TRIM28: variants seen among roughly 807,000 people sequenced by gnomAD.
TRIM28 encodes the protein tripartite motif containing 28.
A neutral mutation model predicts 87.4 loss-of-function variants in TRIM28; 8 were observed. The ratio of observed to expected loss-of-function variants is 0.09; its 90% CI spans 0.05 to 0.17. The LOEUF (loss-of-function observed/expected upper bound fraction) is 0.17. Among genes scored for constraint, TRIM28 ranks in the 10% least tolerant of loss-of-function variants. The pLI is 1.00. For synonymous variants in TRIM28, 601 were observed against 454.3 expected (o/e 1.32, Z -4.11); for missense variants, 968 against 1,131.8 (o/e 0.86, Z 2.08).
Position 58,550,238 on chromosome 19 carries a change from C to T in TRIM28, c.2285C>T (p.Ala762Val). The T allele has an allele frequency of 6.2e-7, 1 of 1,614,096 alleles. No individual in the cohort carries two copies. The highest frequency in any genetic ancestry group is 8.5e-7 in the Non-Finnish European group (1 of 1,179,996). ...CCCTACAGCTCCCCACAGGAGTTTG[C>T]CCAGGATGTGGGCCGCATGTTCAAG... ...SPPYSSPQEF[A>V]QDVGRMFKQF... Residue 762 changes from alanine to valine, a missense_variant, in exon 16 of 17, where the codon GCC becomes GTC. By Grantham distance (64) the Ala-to-Val change is moderately conservative (BLOSUM62 0). This residue lies in a region of TRIM28 where 192 missense variants were observed against 225.6 expected (regional missense o/e 0.85). Transcript: ENST00000253024.
intron 1 of TRIM28, 26 bp downstream of exon 1, chr19:58,545,123 C>G: frequency 1.4e-6 from 2 of 1,395,134 alleles, no homozygotes; most frequent in Non-Finnish European, 1.9e-6. Context: ...TCGGTGCCAC[C>G]CCTCCCCCTA....
chr19:58,550,314 C>T (rs985033836), intron 16 of TRIM28, 30 bp downstream of exon 16: 2 of 1,613,670 alleles, frequency 1.2e-6, no homozygotes, highest in Admixed American at 1.7e-5. Context: ...AGGCTGTGGG[C>T]AGGGGGAGAT....
Position 58,544,962 on chromosome 19 carries a change from A to C in TRIM28, c.205A>C (p.Arg69=). Residue 69 remains arginine (R), a synonymous_variant, in exon 1 of 17, where the codon AGA becomes CGA. Coordinates refer to ENST00000253024, the MANE Select transcript of TRIM28 (RefSeq NM_005762.3). ...GCTGCTGGAGCACTGCGGCGTGTGC[A>C]GAGAGCGCCTGCGACCCGAGAGGGA... ...LELLEHCGVC[R]ERLRPEREPR... is the part of the protein sequence containing the mutation. 1 of 1,510,748 alleles carries C rather than the reference A, an allele frequency of 6.6e-7. No individual in the cohort carries two copies. The highest frequency in any genetic ancestry group is 8.8e-7 in the Non-Finnish European group (1 of 1,139,280). The allele number at this position is 1,510,748 out of a possible 1,614,324, so 93.6% of individuals were successfully genotyped here. A position where few individuals can be genotyped will look rare whatever the true frequency, so the allele number is the denominator to read the frequency against.
At position 58,550,601 on chromosome 19, in the gene TRIM28, G is replaced by A. The variant is rs2053809249; in HGVS notation, c.*48G>A. On this transcript the variant is annotated 3_prime_UTR_variant, in exon 17 of 17. Transcript: ENST00000253024. ...CCAGCCTGGCTCTGTTCTCTGTCCT[G>A]TCACCCCATCCCCACTCCCCTGGTG... 1 of 1,565,250 alleles carries A rather than the reference G, an allele frequency of 6.4e-7. No individual in the cohort carries two copies. The highest frequency in any genetic ancestry group is 1.7e-5 in the Admixed American group (1 of 57,350).
intron 9 of TRIM28, 25 bp downstream of exon 9, chr19:58,548,617 A>AGGG (rs1478579485): frequency 7.6e-7 from 1 of 1,317,462 alleles, no homozygotes; most frequent in Non-Finnish European, 1.0e-6. Context: ...GGACCCAGGA[A>AGGG]GGGGTGGGCA....
At chr19:58,547,953 TTGA>T in intron 6 of TRIM28, 47 bp downstream of exon 6, 3 of 1,613,576 alleles carry the variant, frequency 1.9e-6, no homozygotes, top group East Asian at 2.2e-5. Context: ...CCTCTGCTGA[TTGA>T]TGATGCTGTC....
Position 58,547,680 on chromosome 19 carries a change from C to T in TRIM28, c.806C>T (p.Thr269Ile). The T allele has an allele frequency of 6.2e-7, 1 of 1,614,182 alleles. No homozygotes were observed. Among genetic ancestry groups the T allele is most frequent in the Non-Finnish European group, 8.5e-7 (1 of 1,180,038 alleles). Residue 269 changes from threonine to isoleucine, a missense_variant, in exon 5 of 17, where the codon ACA becomes ATA. Physicochemically the swap from Thr to Ile is moderately conservative, Grantham distance 89. Around this residue, in one of 11 missense-constraint regions of TRIM28, gnomAD observed 103 missense variants for 139.0 expected, o/e 0.74. Transcript: ENST00000253024. ...AAGCGCCTTGGGGACAAACATGCAA[C>T]ATTGCAGAAGAGCACCAAGGAGGTT... ...LVKRLGDKHA[T>I]LQKSTKEVRS... is the part of the protein sequence containing the mutation.
At position 58,544,887 on chromosome 19, in the gene TRIM28, G is replaced by C. The variant is rs1048088873; in HGVS notation, c.130G>C (p.Ala44Pro). 576 of 1,370,048 alleles carry C rather than the reference G, an allele frequency of 4.2e-4. No individual in the cohort carries two copies. The highest frequency in any genetic ancestry group is 5.1e-4 in the Non-Finnish European group (546 of 1,069,630). 84.9% of individuals were successfully genotyped at this position (1,370,048 alleles called of 1,614,324 possible). A position where few individuals can be genotyped will look rare whatever the true frequency, so the allele number is the denominator to read the frequency against. ...CCCTTCGGCCGCAGCCTCGGCCTCT[G>C]CCTCAGCCGCGGCGTCGTCGCCCGC... ...TAPSAAASAS[A>P]SAAASSPAGG... Residue 44 changes from alanine to proline, a missense_variant, in exon 1 of 17, where the codon GCC (alanine) becomes CCC (proline). Physicochemically the swap from Ala to Pro is conservative, Grantham distance 27. Around this residue, in one of 11 missense-constraint regions of TRIM28, gnomAD observed 208 missense variants for 170.9 expected, o/e 1.22. Transcript: ENST00000253024.
chr19:58,547,127 C>T, intron 3 of TRIM28: 2 of 507,692 alleles, frequency 3.9e-6, no homozygotes, highest in South Asian at 4.7e-5. Context: ...TATCCTTACC[C>T]TTACATTGTT....
rs2053810074 is a variant in TRIM28, at chr19:58,550,664, TC to T, written c.*113del. The T allele has an allele frequency of 1.8e-6, 2 of 1,084,344 alleles. No individual in the cohort carries two copies. Among genetic ancestry groups the T allele is most frequent in the Admixed American group, 5.5e-5 (2 of 36,342 alleles). The allele number at this position is 1,084,344 out of a possible 1,614,324, so 67.2% of individuals were successfully genotyped here. On this transcript the variant is annotated 3_prime_UTR_variant, in exon 17 of 17. Transcript: ENST00000253024. ...CTCCCTGGTGGCCCCATCCCCCAGT[TC>T]CTCACGATATGGTTTTTACTTCTGT...
At chr19:58,545,655 C>G in intron 2 of TRIM28, 109 bp from the exon 3 acceptor site, 1 of 1,533,952 alleles carries the variant, frequency 6.5e-7, no homozygotes, top group Non-Finnish European at 8.9e-7. Flanking sequence ...GGTGGGCTGC[C>G]TAGGTTGGGT....
chr19:58,549,087 A>G lies in TRIM28; in HGVS notation c.1509A>G (p.Pro503=), dbSNP rs200090794. ...LDLDLTADSQ[P]PVFKVFPGST... is the part of the protein sequence containing the mutation. Reference sequence around the variant, plus strand: ...TGGACCTCACAGCTGACAGCCAGCCACCCGTCTTCAAGGTCTTCCCAGGCA... The same window carrying G: ...TGGACCTCACAGCTGACAGCCAGCCGCCCGTCTTCAAGGTCTTCCCAGGCA... Residue 503 remains proline, a synonymous_variant, in exon 12 of 17, where the codon CCA becomes CCG. Transcript: ENST00000253024. The surrounding 1 kb of genome is among the most constrained non-coding windows in gnomAD (Gnocchi z 4.4). 1.2e-6 allele frequency: 2 copies of G among 1,614,054 alleles called. No individual in the cohort carries two copies.
rs1029135242 is a variant in TRIM28, at chr19:58,548,086, C to G, written c.1007C>G (p.Thr336Ser). Reference sequence around the variant, plus strand: ...CTGGAGCGGCAGCACTGGACCATGACCAAGATCCAGAAGCACCAGGAGCAC... The same window carrying G: ...CTGGAGCGGCAGCACTGGACCATGAGCAAGATCCAGAAGCACCAGGAGCAC... ...ERLERQHWTM[T>S]KIQKHQEHIL... Residue 336 changes from threonine (T) to serine (S), a missense_variant, in exon 7 of 17, where the codon ACC (threonine) becomes AGC (serine). Thr to Ser is a moderately conservative substitution (Grantham distance 58, BLOSUM62 1). Coordinates refer to ENST00000253024, the MANE Select transcript of TRIM28 (RefSeq NM_005762.3). 52 of 1,614,080 alleles carry G rather than the reference C, an allele frequency of 3.2e-5. No individual in the cohort carries two copies. Among genetic ancestry groups the G allele is most frequent in the Non-Finnish European group, 4.3e-5 (51 of 1,180,028 alleles).
At position 58,549,347 on chromosome 19, in the gene TRIM28, C is replaced by G. The variant is rs370055608; in HGVS notation, c.1679C>G (p.Ala560Gly). The change falls in exon 13 of 17, where the codon GCT becomes GGT. Residue 560 changes from alanine (A) to glycine (G), a missense_variant. Ala to Gly is a moderately conservative substitution (Grantham distance 60). This residue lies in a region of TRIM28 where 164 missense variants were observed against 146.2 expected (regional missense o/e 1.12). Transcript: ENST00000253024. The surrounding 1 kb of genome is among the most constrained non-coding windows in gnomAD (Gnocchi z 4.4). ...ACCTTGCAGGAGGAGGAGACGGAGG[C>G]TGCCATTGGAGCCCCTCCTACTGCC... ...MAIVKEEETE[A>G]AIGAPPTATE... is the part of the protein sequence containing the mutation. The G allele has an allele frequency of 1.3e-6, 2 of 1,566,514 alleles. No individual in the cohort carries two copies. Among genetic ancestry groups the G allele is most frequent in the Non-Finnish European group, 1.7e-6 (2 of 1,153,546 alleles).
Position 58,548,823 on chromosome 19 carries a change from C to A in TRIM28, c.1361-39C>A, listed in dbSNP as rs142004001. 1.4e-3 allele frequency: 2,311 copies of A among 1,614,064 alleles called. 37 individuals carry two copies. In the African/African-American group the frequency reaches 0.027, roughly 19 times the overall value. On this transcript the variant is annotated intron_variant, in intron 10 of 16. Coordinates refer to ENST00000253024, the MANE Select transcript of TRIM28 (RefSeq NM_005762.3). ...GTGGGGAAGGGCCCCAGTGCTGTTTCTACCCCAACCTGCCAGTCTTCTTTC... is the reference window on the plus strand; with the variant it reads ...GTGGGGAAGGGCCCCAGTGCTGTTTATACCCCAACCTGCCAGTCTTCTTTC...
chr19:58,549,455 G>C lies in TRIM28; in HGVS notation c.1787G>C (p.Ser596Thr). The C allele has an allele frequency of 6.2e-7, 1 of 1,611,830 alleles. No individual in the cohort carries two copies. Reference protein sequence around the residue: ...GAEGPRLASPSGSTSSGLEVV... With the variant: ...GAEGPRLASPTGSTSSGLEVV... ...GAGGGTCCCCGCCTGGCCTCACCTA[G>C]TGGCAGCACCAGCTCAGGGCTGGAG... is the stretch of plus-strand genomic sequence containing the variant. Residue 596 changes from serine (S) to threonine (T), a missense_variant, in exon 13 of 17, where the codon AGT becomes ACT. Ser to Thr is a moderately conservative substitution (Grantham distance 58). Around this residue, in one of 11 missense-constraint regions of TRIM28, gnomAD observed 164 missense variants for 146.2 expected, o/e 1.12. Coordinates refer to ENST00000253024, the MANE Select transcript of TRIM28 (RefSeq NM_005762.3). The surrounding 1 kb of genome is among the most constrained non-coding windows in gnomAD (Gnocchi z 4.4).
rs781356106 is a variant in TRIM28, at chr19:58,549,293, C to T, written c.1663-38C>T. On this transcript the variant is annotated intron_variant, in intron 12 of 16. Transcript: ENST00000253024. The surrounding 1 kb of genome is among the most constrained non-coding windows in gnomAD (Gnocchi z 4.4). ...GTAGGATGAAGCCTGTAGTCCAGGT[C>T]TGGACCCTGTTGAACACCCCTCATC... is the stretch of plus-strand genomic sequence containing the variant. 2.0e-5 allele frequency: 31 copies of T among 1,585,158 alleles called. No homozygotes were observed. The South Asian group carries it at 2.5e-4, about 13-fold the overall frequency.
Position 58,545,090 on chromosome 19 carries a change from C to A in TRIM28, c.333C>A (p.Asp111Glu). The A allele has an allele frequency of 7.0e-7, 1 of 1,426,582 alleles. No individual in the cohort carries two copies. 88.4% of individuals were successfully genotyped at this position (1,426,582 alleles called of 1,614,324 possible). ...CGGGGGACGGCGGGGCGGCGGGCGA[C>A]GGCACCGGTAAGTACGAAGTGATCG... ...NSSGDGGAAGDGTVVDCPVCK... is the reference protein window; with the variant it reads ...NSSGDGGAAGEGTVVDCPVCK... The change falls in exon 1 of 17, where the codon GAC (aspartate) becomes GAA (glutamate). Residue 111 changes from aspartate to glutamate, a missense_variant. By Grantham distance (45) the Asp-to-Glu change is conservative (BLOSUM62 2). Coordinates refer to ENST00000253024, the MANE Select transcript of TRIM28 (RefSeq NM_005762.3).
chr19:58,545,178 C>T, intron 1 of TRIM28, 81 bp downstream of exon 1: 13 of 1,285,266 alleles, frequency 1.0e-5, no homozygotes, highest in Admixed American at 3.2e-5. Flanking sequence ...GAGGATGCCA[C>T]CTGGGCGAGA....
Sources: allele counts gnomAD v4.1 joint callset, GRCh38; gene constraint gnomAD v4.1.1; regional missense constraint gnomAD v4.1.1; non-coding constraint Gnocchi (gnomAD v3.1); transcripts MANE v1.5; gene names NCBI Gene and HGNC (gene_info 2026-07-23, HGNC 2026-07-21).